MDN1: variants seen among roughly 807,000 people sequenced by gnomAD.
The protein encoded by MDN1 is midasin.
MDN1 carries 266 observed loss-of-function variants against 669.2 expected under a neutral mutation model. That is an observed-to-expected ratio of 0.40 (90% CI 0.36 to 0.44). The LOEUF (loss-of-function observed/expected upper bound fraction) is 0.44, where lower values mean the gene tolerates loss of function less well. MDN1 is among the 20% of genes least tolerant of loss of function. MDN1 has a pLI of 1.00. For synonymous variants in MDN1, 2,385 were observed against 2,457.1 expected (o/e 0.97, Z 0.87); for missense variants, 5,940 against 6,754.0 (o/e 0.88, Z 4.22).
At chr6:89,692,413 G>C (rs1351381849) in intron 63 of MDN1, 30 bp downstream of exon 63, 1 of 1,571,618 alleles carries the variant, frequency 6.4e-7, no homozygotes, top group African/African-American at 1.3e-5. Flanking sequence ...CAGGAGGAAG[G>C]GCAGGGCAGG....
At chr6:89,734,691 A>AAAAACGAGAGAGAGAGAGAG (rs1554188774) in intron 33 of MDN1, among the ~76,000 whole-genome samples, 1 of 112,994 alleles carries the variant, frequency 8.9e-6, no homozygotes, top group African/African-American at 3.5e-5. Flanking sequence ...AAAAAAAAAC[A>AAAAACGAGAGAGAGAGAGAG]AGAGAGAGAG....
At chr6:89,680,986 G>A (rs1428173484) in intron 73 of MDN1, among the ~76,000 whole-genome samples, 2 of 152,102 alleles carry the variant, frequency 1.3e-5, no homozygotes, top group Non-Finnish European at 2.9e-5. Flanking sequence ...ATCCAGCAAT[G>A]CTTGCTATGA....
chr6:89,713,063 G>A (rs886114409), intron 47 of MDN1, 85 bp downstream of exon 47: 38 of 1,450,046 alleles, frequency 2.6e-5, no homozygotes, highest in Middle Eastern at 4.4e-4. Context: ...TAGGTCACTG[G>A]GTTGCCACCT....
At chr6:89,703,465 T>G (rs1370396854) in intron 53 of MDN1, among the ~76,000 whole-genome samples, 1 of 152,076 alleles carries the variant, frequency 6.6e-6, no homozygotes, top group Non-Finnish European at 1.5e-5. Flanking sequence ...AGGGTTGCAA[T>G]GCAAATCAGG....
In MDN1 at chr6:89,699,652, A is replaced by T; in HGVS notation, c.8946T>A (p.Pro2982=). 6.2e-7 allele frequency: 1 copy of T among 1,614,060 alleles called. No individual in the cohort carries two copies. The highest frequency in any genetic ancestry group is 8.5e-7 in the Non-Finnish European group (1 of 1,179,968). The change falls in exon 58 of 102, where the codon CCT becomes CCA. Residue 2982 remains proline (P), a synonymous_variant. Transcript: ENST00000369393. Reference sequence around the variant, plus strand: ...GATCTCGAAGCTCTTGAGGTGTAACAGGTGTGTGATAAAGACAAAATGAGA... The same window carrying T: ...GATCTCGAAGCTCTTGAGGTGTAACTGGTGTGTGATAAAGACAAAATGAGA... ...HLISFCLYHT[P]VTPQELRDLW...
At chr6:89,687,698 A>G (rs1311871267) in intron 67 of MDN1, among the ~76,000 whole-genome samples, 1 of 152,200 alleles carries the variant, frequency 6.6e-6, no homozygotes, top group Non-Finnish European at 1.5e-5. Context: ...GCTCTTTGCT[A>G]TCTGACCTAG....
In MDN1 at chr6:89,716,665, T is replaced by C. The variant is rs996715955; in HGVS notation, c.6728A>G (p.Asn2243Ser). ...AGGTTCTTACTTGCAGAAGTTAACA[T>C]TGTCCATCAGAAGCCAGTCTCCAGA... Reference protein sequence around the residue: ...LKSGDWLLMDNVNFCNPSVLD... With the variant: ...LKSGDWLLMDSVNFCNPSVLD... Residue 2243 changes from asparagine to serine, a missense_variant, in exon 44 of 102, where the codon AAT becomes AGT. This residue lies in a region of MDN1 where 2,292 missense variants were observed against 2,638.3 expected (regional missense o/e 0.87). Coordinates refer to ENST00000369393, the MANE Select transcript of MDN1 (RefSeq NM_014611.3). The C allele has an allele frequency of 9.3e-6, 15 of 1,612,034 alleles. No homozygotes were observed. The highest frequency in any genetic ancestry group is 2.2e-5 in the South Asian group (2 of 90,568).
chr6:89,764,081 T>C (rs1022059395), intron 15 of MDN1, among the ~76,000 whole-genome samples: 1 of 152,090 alleles, frequency 6.6e-6, no homozygotes, highest in Non-Finnish European at 1.5e-5. Context: ...CTAGGTGTGG[T>C]GATGCACATT....
In MDN1 at chr6:89,776,618, C is replaced by A; in HGVS notation, c.1803G>T (p.Leu601Phe). ...CACATACCTTTTTTCTAGAAATGTT[C>A]AATTTGCTTCCAATAACTTCTGCCA... is the stretch of plus-strand genomic sequence containing the variant. ...LKMAEVIGSKLNISRKKAEFF... is the reference protein window; with the variant it reads ...LKMAEVIGSKFNISRKKAEFF... The change falls in exon 12 of 102, where the codon TTG becomes TTT. Residue 601 changes from leucine to phenylalanine, a missense_variant. Physicochemically the swap from Leu to Phe is conservative, Grantham distance 22. Transcript: ENST00000369393. The A allele has an allele frequency of 6.2e-7, 1 of 1,610,026 alleles. No homozygotes were observed. The highest frequency in any genetic ancestry group is 1.1e-5 in the South Asian group (1 of 90,644).
At chr6:89,799,824 G>T (rs1473311497) in intron 2 of MDN1, among the ~76,000 whole-genome samples, 3 of 152,190 alleles carry the variant, frequency 2.0e-5, no homozygotes, top group Non-Finnish European at 4.4e-5. Flanking sequence ...TATATGTTTA[G>T]TTTTCAATCT....
intron 80 of MDN1, 40 bp downstream of exon 80, chr6:89,673,196 A>T (rs764855467): frequency 2.0e-6 from 3 of 1,509,208 alleles, no homozygotes; most frequent in African/African-American, 1.4e-5. Flanking sequence ...CATCATTTCT[A>T]CACTGGACTT....
In MDN1 at chr6:89,682,699, T is replaced by TAAAAAAAA. The variant is rs143107841; in HGVS notation, c.12102+425_12102+432dup. Among the ~76,000 whole-genome samples the TAAAAAAAA allele has an allele frequency of 1.8e-3, 174 of 96,840 alleles. 5 individuals carry two copies. The highest frequency in any genetic ancestry group is 7.0e-3 in the East Asian group (30 of 4,282). The allele number at this position is 96,840 out of a possible 152,430, so 63.5% of individuals were successfully genotyped here. ...CTCCAGCCTGAGCGAGACTCTGTCT[T>TAAAAAAAA]AAAAAAAAAAAAAAAAAAAAAAAAA... On this transcript the variant is annotated intron_variant, in intron 73 of 101. Coordinates refer to ENST00000369393, the MANE Select transcript of MDN1 (RefSeq NM_014611.3).
At chr6:89,785,218 A>G in intron 8 of MDN1, 92 bp from the exon 9 acceptor site, 2 of 816,250 alleles carry the variant, frequency 2.5e-6, no homozygotes. Context: ...ACACTGTCTC[A>G]CATAGGAAAA....
At chr6:89,761,519 A>C in intron 17 of MDN1, 126 bp downstream of exon 17, 1 of 559,226 alleles carries the variant, frequency 1.8e-6, no homozygotes, top group South Asian at 3.5e-5. Flanking sequence ...ACCATGAAGG[A>C]CACTTTTCAA....
intron 2 of MDN1, 109 bp downstream of exon 2, chr6:89,803,219 C>T: frequency 1.1e-6 from 1 of 908,554 alleles, no homozygotes; most frequent in Non-Finnish European, 1.8e-6. Context: ...TTATCTCTCT[C>T]CTTTCTGTAT....
rs1584148495 is a variant in MDN1 at position 89,673,630 on chromosome 6, G to A, written c.13248-168C>T. ...TGTGCAGGTCCACTGAGTAACAGAG[G>A]ACTGAAGCACAATTATTTTCATAAT... On this transcript the variant is annotated intron_variant, in intron 79 of 101. Transcript: ENST00000369393. The A allele has an allele frequency of 1.5e-5, 9 of 596,352 alleles. No homozygotes were observed. In the East Asian group the frequency reaches 2.5e-4, roughly 17 times the overall value. The allele number at this position is 596,352 out of a possible 1,614,324, so 36.9% of individuals were successfully genotyped here.
At chr6:89,707,249 C>G (rs947164416) in intron 52 of MDN1, 112 bp downstream of exon 52, 1 of 719,586 alleles carries the variant, frequency 1.4e-6, no homozygotes, top group Non-Finnish European at 2.4e-6. Flanking sequence ...ATCAGGCCAG[C>G]AGATTAAAAG....
chr6:89,708,689 A>G (rs1200684798), intron 50 of MDN1, 61 bp from the exon 51 acceptor site: 2 of 1,557,548 alleles, frequency 1.3e-6, no homozygotes, highest in East Asian at 2.2e-5. Context: ...TTGCCTGGGA[A>G]GTTTCAGTTG....
intron 4 of MDN1, 71 bp from the exon 5 acceptor site, chr6:89,794,025 C>A: frequency 7.0e-7 from 1 of 1,433,514 alleles, no homozygotes; most frequent in South Asian, 1.2e-5. Flanking sequence ...GCAGTCACCT[C>A]TGGCCTGTCA....
Sources: allele counts gnomAD v4.1 joint callset (sites outside exome capture counted in the v4.1 genomes callset), GRCh38; gene constraint gnomAD v4.1.1; regional missense constraint gnomAD v4.1.1; transcripts MANE v1.5; gene names NCBI Gene and HGNC (gene_info 2026-07-23, HGNC 2026-07-21).